Variants in YWHAE observed in about 807,000 individuals in gnomAD.
YWHAE encodes the protein 14-3-3 protein epsilon.
In YWHAE, 4 loss-of-function variants were observed where a neutral mutation model predicts 30.1. The observed-to-expected ratio is 0.13, with a 90% CI of 0.07 to 0.30. The LOEUF is 0.30. YWHAE is among the 10% of genes least tolerant of loss of function. The pLI, the probability that YWHAE is intolerant of heterozygous loss-of-function variation, is 1.00. For synonymous variants in YWHAE, 118 were observed against 111.8 expected, an observed-to-expected ratio of 1.06 and a Z score of -0.35; for missense variants, 121 against 315.9, an observed-to-expected ratio of 0.38 and a Z score of 4.68.
intron 1 of YWHAE, among the ~76,000 whole-genome samples, chr17:1,386,931 G>A (rs918365827): frequency 1.3e-5 from 2 of 151,066 alleles, no homozygotes; most frequent in African/African-American, 4.9e-5. Context: ...TCCAGTCTGG[G>A]CAACAGAGTG....
chr17:1,350,909 A>C (rs1410163534), intron 5 of YWHAE, among the ~76,000 whole-genome samples: 1 of 150,794 alleles, frequency 6.6e-6, no homozygotes, highest in Non-Finnish European at 1.5e-5. Context: ...CAAACAAAAA[A>C]CTAGCTGGGT....
chr17:1,385,320 G>C (rs1374567529), intron 1 of YWHAE, among the ~76,000 whole-genome samples: 1 of 152,118 alleles, frequency 6.6e-6, no homozygotes, highest in East Asian at 1.9e-4. Flanking sequence ...ACCAGCAACT[G>C]GTCTAGAGGA....
intron 4 of YWHAE, among the ~76,000 whole-genome samples, chr17:1,357,511 C>G (rs937202140): frequency 6.6e-6 from 1 of 151,698 alleles, no homozygotes; most frequent in Non-Finnish European, 1.5e-5. Context: ...ACCCAGGAGG[C>G]TGAGCTTTCA....
chr17:1,352,802 G>T (rs2072657433), intron 5 of YWHAE, among the ~76,000 whole-genome samples: 1 of 152,126 alleles, frequency 6.6e-6, no homozygotes, highest in South Asian at 2.1e-4. Flanking sequence ...TGGGATTATA[G>T]GCATGAGCCA....
At chr17:1,350,535 G>A (rs1040262182) in intron 5 of YWHAE, among the ~76,000 whole-genome samples, 17 of 151,812 alleles carry the variant, frequency 1.1e-4, no homozygotes, top group South Asian at 4.2e-4. Context: ...TCTGCCTCCC[G>A]GGTTCAAGTG....
intron 1 of YWHAE, chr17:1,399,697 G>A (rs548709970): frequency 2.2e-4 from 101 of 465,348 alleles, no homozygotes; most frequent in African/African-American, 1.9e-3. Context: ...CGTCCCAGAA[G>A]CTCCCATGAG....
At chr17:1,399,801 T>G (rs1379977190) in intron 1 of YWHAE, 1 of 121,698 alleles carries the variant, frequency 8.2e-6, no homozygotes, top group South Asian at 1.1e-4. Context: ...AACCAACTCC[T>G]CCACCCCGTC....
intron 1 of YWHAE, among the ~76,000 whole-genome samples, chr17:1,379,834 A>G (rs973375612): frequency 6.6e-6 from 1 of 152,190 alleles, no homozygotes; most frequent in East Asian, 1.9e-4. Flanking sequence ...TGTAAAATGA[A>G]CAGGATTAGT....
intron 1 of YWHAE, 134 bp downstream of exon 1, chr17:1,399,913 T>C: frequency 2.7e-6 from 3 of 1,094,922 alleles, no homozygotes; most frequent in Admixed American, 1.8e-5. Context: ...TCCCAGGCCA[T>C]TTCCTGCTTC....
chr17:1,381,565 G>C (rs1410613499), intron 1 of YWHAE, among the ~76,000 whole-genome samples: 1 of 151,960 alleles, frequency 6.6e-6, no homozygotes, highest in Non-Finnish European at 1.5e-5. Context: ...GCTCAAGAAT[G>C]CATGTAAAGG....
chr17:1,355,152 T>A (rs1176046382), intron 4 of YWHAE, among the ~76,000 whole-genome samples: 1 of 18,684 alleles, frequency 5.4e-5, no homozygotes, highest in Non-Finnish European at 1.1e-4. Flanking sequence ...AAAAAAATTT[T>A]TTTTTTTTTT....
In YWHAE at chr17:1,344,466, G is replaced by A. The variant is rs1315011001; in HGVS notation, c.*981C>T. Reference sequence around the variant, plus strand: ...AAAAAGGAGGAATGTTTCACATTCAGGCAAACATAATACTGTCAGTGTGTT... The same window carrying A: ...AAAAAGGAGGAATGTTTCACATTCAAGCAAACATAATACTGTCAGTGTGTT... On this transcript the variant is annotated 3_prime_UTR_variant, in exon 6 of 6. Transcript: ENST00000264335. The A allele has an allele frequency of 2.2e-5, 4 of 185,944 alleles. No homozygotes were observed. The highest frequency in any genetic ancestry group is 3.4e-5 in the Non-Finnish European group (3 of 87,822). The allele number at this position is 185,944 out of a possible 1,614,324, so 11.5% of individuals were successfully genotyped here.
chr17:1,381,078 T>C (rs1409773040), intron 1 of YWHAE, among the ~76,000 whole-genome samples: 2 of 152,130 alleles, frequency 1.3e-5, no homozygotes, highest in African/African-American at 4.8e-5. Flanking sequence ...GCTAAAGAAA[T>C]ACATATTGAT....
intron 5 of YWHAE, among the ~76,000 whole-genome samples, chr17:1,349,392 C>A (rs993775974): frequency 6.6e-6 from 1 of 152,158 alleles, no homozygotes; most frequent in South Asian, 2.1e-4. Context: ...TGAACAATTT[C>A]TTTGTACCCA....
intron 1 of YWHAE, among the ~76,000 whole-genome samples, chr17:1,377,013 A>C (rs1211919847): frequency 6.6e-6 from 1 of 150,872 alleles, no homozygotes; most frequent in East Asian, 2.0e-4. Context: ...TCCCATGTTC[A>C]AGTGATGCTC....
chr17:1,366,852 G>A (rs1327636045), intron 1 of YWHAE, among the ~76,000 whole-genome samples: 1 of 152,142 alleles, frequency 6.6e-6, no homozygotes, highest in Non-Finnish European at 1.5e-5. Flanking sequence ...TGAGGCAGGA[G>A]AACTGCTTGA....
At chr17:1,368,208 GA>G (rs958840551) in intron 1 of YWHAE, among the ~76,000 whole-genome samples, 20 of 152,166 alleles carry the variant, frequency 1.3e-4, no homozygotes, top group Admixed American at 9.2e-4. Context: ...CCAGCATGGA[GA>G]AACTAAAAAT....
intron 5 of YWHAE, among the ~76,000 whole-genome samples, chr17:1,346,234 G>A (rs1225007309): frequency 6.6e-6 from 1 of 152,130 alleles, no homozygotes; most frequent in African/African-American, 2.4e-5. Context: ...ATTGGTTGGA[G>A]GGTCATCTAC....
At chr17:1,364,447 C>G (rs900820350) in intron 2 of YWHAE, among the ~76,000 whole-genome samples, 1 of 152,068 alleles carries the variant, frequency 6.6e-6, no homozygotes, top group East Asian at 1.9e-4. Flanking sequence ...AGGATGGTCT[C>G]GATCTCCTGA....
Sources: gnomAD v4.1 joint callset for allele counts (sites outside exome capture counted in the v4.1 genomes callset) on GRCh38, gnomAD v4.1.1 for gene constraint, MANE v1.5 for transcripts, NCBI Gene and HGNC (gene_info 2026-07-23, HGNC 2026-07-21) for gene names.